The following IPO9 variants were observed in gnomAD, a reference collection of about 807,000 sequenced individuals.
IPO9 encodes importin-9.
A neutral mutation model predicts 128.6 loss-of-function variants in IPO9; 28 were observed. The ratio of observed to expected loss-of-function variants is 0.22; its 90% CI spans 0.16 to 0.30. The LOEUF (loss-of-function observed/expected upper bound fraction) is 0.30, where lower values mean the gene tolerates loss of function less well. Ranked by LOEUF, IPO9 falls within the 10% of genes least tolerant of loss-of-function variation. IPO9 has a pLI of 1.00. For synonymous variants in IPO9, 455 were observed against 475.8 expected, an observed-to-expected ratio of 0.96 and a Z score of 0.57; for missense variants, 935 against 1,293.9, an observed-to-expected ratio of 0.72 and a Z score of 4.26.
chr1:201,880,807 G>A lies in IPO9; in HGVS notation c.*4753G>A, dbSNP rs1680869831. On this transcript the variant is annotated 3_prime_UTR_variant, in exon 24 of 24. Coordinates refer to ENST00000361565, the MANE Select transcript of IPO9 (RefSeq NM_018085.5). Reference sequence around the variant, plus strand: ...ATTGTGCAAAAGCTATACACATTCGGTAGAAACAGTACTTCAAGTATCCAT... The same window carrying A: ...ATTGTGCAAAAGCTATACACATTCGATAGAAACAGTACTTCAAGTATCCAT... The A allele has an allele frequency of 6.6e-6, 1 of 152,136 alleles. No individual in the cohort carries two copies. Among genetic ancestry groups the A allele is most frequent in the African/African-American group, 2.4e-5 (1 of 41,416 alleles). The allele number at this position is 152,136 out of a possible 1,614,324, so 9.4% of individuals were successfully genotyped here.
intron 4 of IPO9, 76 bp from the exon 5 acceptor site, chr1:201,852,028 A>C: frequency 4.5e-6 from 4 of 892,560 alleles, no homozygotes; most frequent in Non-Finnish European, 7.1e-6. Context: ...ACCTAGAAGC[A>C]GTTCAGAAAA....
chr1:201,876,351 A>G lies in IPO9; in HGVS notation c.*297A>G, dbSNP rs1202797764. ...CCTAGAGCCCTCTGCTGGCGAGTCCAGAAACATTATTGCCCAGAAGGATTA... is the reference window on the plus strand; with the variant it reads ...CCTAGAGCCCTCTGCTGGCGAGTCCGGAAACATTATTGCCCAGAAGGATTA... On this transcript the variant is annotated 3_prime_UTR_variant, in exon 24 of 24. Transcript: ENST00000361565. The G allele has an allele frequency of 2.0e-5, 10 of 500,636 alleles. No homozygotes were observed. The highest frequency in any genetic ancestry group is 6.3e-5 in the Admixed American group (2 of 31,818). The allele number at this position is 500,636 out of a possible 1,614,324, so 31.0% of individuals were successfully genotyped here. A position where few individuals can be genotyped will look rare whatever the true frequency, so the allele number is the denominator to read the frequency against.
chr1:201,836,119 CAAAAAA>C (rs34447985), intron 1 of IPO9, among the ~76,000 whole-genome samples: 1 of 55,352 alleles, frequency 1.8e-5, no homozygotes, highest in Non-Finnish European at 3.0e-5. Flanking sequence ...GACTCCATCT[CAAAAAA>C]AAAAAAAAAA....
chr1:201,880,257 T>C lies in IPO9; in HGVS notation c.*4203T>C, dbSNP rs1680860877. 6.6e-6 allele frequency: 1 copy of C among 152,192 alleles called. No individual in the cohort carries two copies. The highest frequency in any genetic ancestry group is 1.5e-5 in the Non-Finnish European group (1 of 68,042). 9.4% of individuals were successfully genotyped at this position (152,192 alleles called of 1,614,324 possible). On this transcript the variant is annotated 3_prime_UTR_variant, in exon 24 of 24. Transcript: ENST00000361565. ...GTCCAAAAAAACTCCAGTGTGGTTC[T>C]AGGATGAGATAATAAAAACAGGTTG...
chr1:201,870,992 G>C lies in IPO9; in HGVS notation c.2409+134G>C, dbSNP rs561772573. On this transcript the variant is annotated intron_variant, in intron 18 of 23. Coordinates refer to ENST00000361565, the MANE Select transcript of IPO9 (RefSeq NM_018085.5). The surrounding 1 kb of genome is among the most constrained non-coding windows in gnomAD (Gnocchi z 4.9). ...CAGTTAAGTAAAATGGGACCTGTCT[G>C]ATCTGTTTGGCCTAAGAAACATGGA... 4 of 1,301,406 alleles carry C rather than the reference G, an allele frequency of 3.1e-6. No homozygotes were observed. In the East Asian group the frequency reaches 9.4e-5, roughly 31 times the overall value. The allele number at this position is 1,301,406 out of a possible 1,614,324, so 80.6% of individuals were successfully genotyped here.
At chr1:201,849,247 A>G (rs906967517) in intron 4 of IPO9, among the ~76,000 whole-genome samples, 5 of 152,182 alleles carry the variant, frequency 3.3e-5, no homozygotes, top group African/African-American at 1.2e-4. Flanking sequence ...TTTAGTTCAA[A>G]GAGATTTGAT....
Position 201,857,101 on chromosome 1 carries a change from A to G in IPO9, c.1128A>G (p.Lys376=). Residue 376 remains lysine (K), a synonymous_variant, in exon 11 of 24, where the codon AAA becomes AAG. Transcript: ENST00000361565. ...ACATAACTTGATCTTTTCAGATTAAAGTATGGACAGCCAACCCCCAACAAT... is the reference window on the plus strand; with the variant it reads ...ACATAACTTGATCTTTTCAGATTAAGGTATGGACAGCCAACCCCCAACAAT... The part of the protein sequence containing the change: ...LYMQITEEQI[K]VWTANPQQFV... The G allele has an allele frequency of 3.1e-6, 5 of 1,597,270 alleles. No homozygotes were observed. The highest frequency in any genetic ancestry group is 4.3e-6 in the Non-Finnish European group (5 of 1,164,648).
intron 14 of IPO9, among the ~76,000 whole-genome samples, chr1:201,864,727 AC>A (rs1164212385): frequency 2.0e-5 from 3 of 152,238 alleles, no homozygotes; most frequent in Non-Finnish European, 2.9e-5. Flanking sequence ...AGGCATACTT[AC>A]CAACATTGAT....
intron 10 of IPO9, 80 bp from the exon 11 acceptor site, chr1:201,857,016 T>G: frequency 1.1e-6 from 1 of 931,576 alleles, no homozygotes; most frequent in Non-Finnish European, 1.8e-6. Flanking sequence ...GGATAATAGG[T>G]TGAAATCTTC....
chr1:201,848,021 GA>G (rs1290845369), intron 3 of IPO9, among the ~76,000 whole-genome samples: 2 of 152,174 alleles, frequency 1.3e-5, no homozygotes, highest in African/African-American at 4.8e-5. Context: ...ATAAGGTCTG[GA>G]GGAATGTTTT....
At chr1:201,829,553 G>A in intron 1 of IPO9, 181 bp downstream of exon 1, 1 of 370,116 alleles carries the variant, frequency 2.7e-6, no homozygotes, top group Non-Finnish European at 4.4e-6. Context: ...GGAGAGGCGC[G>A]CCTGAAGGAT....
At chr1:201,840,056 T>C (rs900211272) in intron 1 of IPO9, among the ~76,000 whole-genome samples, 1 of 152,210 alleles carries the variant, frequency 6.6e-6, no homozygotes, top group South Asian at 2.1e-4. Context: ...AACATTGAAT[T>C]AACCATTTAT....
intron 19 of IPO9, among the ~76,000 whole-genome samples, chr1:201,871,769 CCT>C (rs1226130282): frequency 6.6e-6 from 1 of 152,050 alleles, no homozygotes; most frequent in Non-Finnish European, 1.5e-5. Context: ...TTCCCTTTTC[CCT>C]GTCTTTCTTT....
At chr1:201,859,539 A>T (rs1405463889) in intron 13 of IPO9, among the ~76,000 whole-genome samples, 1 of 152,176 alleles carries the variant, frequency 6.6e-6, no homozygotes, top group Non-Finnish European at 1.5e-5. Flanking sequence ...GAATGCCCTC[A>T]GGCATTCTGT....
intron 1 of IPO9, among the ~76,000 whole-genome samples, chr1:201,843,600 G>A (rs1161834305): frequency 6.6e-6 from 1 of 152,152 alleles, no homozygotes; most frequent in East Asian, 1.9e-4. Flanking sequence ...GGAGGCTGAG[G>A]CAGGCAGACT....
chr1:201,849,016 A>G (rs1680169770), intron 4 of IPO9, among the ~76,000 whole-genome samples: 1 of 152,208 alleles, frequency 6.6e-6, no homozygotes, highest in South Asian at 2.1e-4. Context: ...AGTAAAGTTT[A>G]GTTACTATGA....
chr1:201,855,959 A>G, intron 10 of IPO9, 25 bp downstream of exon 10: 1 of 1,545,474 alleles, frequency 6.5e-7, no homozygotes, highest in Non-Finnish European at 8.7e-7. Context: ...AGAGACAGTT[A>G]CCATCTTGTA....
chr1:201,864,971 G>T (rs1010013884), intron 14 of IPO9, among the ~76,000 whole-genome samples: 8 of 152,184 alleles, frequency 5.3e-5, no homozygotes, highest in Admixed American at 5.2e-4. Flanking sequence ...CTGTGGATAT[G>T]TGGGCCAGAG....
intron 15 of IPO9, 57 bp from the exon 16 acceptor site, chr1:201,868,591 G>A (rs1337262517): frequency 1.2e-5 from 18 of 1,558,278 alleles, no homozygotes; most frequent in South Asian, 3.6e-5. Context: ...ATCATTAAGC[G>A]AGAAGCAGAT....
Sources: allele counts gnomAD v4.1 joint callset (sites outside exome capture counted in the v4.1 genomes callset), GRCh38; gene constraint gnomAD v4.1.1; non-coding constraint Gnocchi (gnomAD v3.1); transcripts MANE v1.5; gene names NCBI Gene and HGNC (gene_info 2026-07-23, HGNC 2026-07-21).